The following SOS2 variants were observed in gnomAD, a reference collection of about 807,000 sequenced individuals.
SOS2 encodes son of sevenless homolog 2.
SOS2 carries 65 observed loss-of-function variants against 148.2 expected under a neutral mutation model. The ratio of observed to expected loss-of-function variants is 0.44; its 90% CI spans 0.36 to 0.54. The LOEUF is 0.54. SOS2 is among the 20% of genes least tolerant of loss of function. The pLI is 0.00. For missense variants in SOS2, 1,341 were observed against 1,590.2 expected, an observed-to-expected ratio of 0.84 and a Z score of 2.67; for synonymous variants, 539 against 537.1, an observed-to-expected ratio of 1.00 and a Z score of -0.05.
rs201505897 is a variant in SOS2 at position 50,158,695 on chromosome 14, T to C, written c.1853-49A>G. On this transcript the variant is annotated intron_variant, in intron 10 of 22. Transcript: ENST00000216373. ...GGTTTCATGTTTAATGTATTCAGTTTAATTAACTCAAAGTACCATATTTGG... is the reference window on the plus strand; with the variant it reads ...GGTTTCATGTTTAATGTATTCAGTTCAATTAACTCAAAGTACCATATTTGG... The C allele has an allele frequency of 6.7e-4, 811 of 1,202,010 alleles. 6 individuals carry two copies. In the African/African-American group the frequency reaches 0.011, roughly 16 times the overall value. The allele number at this position is 1,202,010 out of a possible 1,614,324, so 74.5% of individuals were successfully genotyped here. A position where few individuals can be genotyped will look rare whatever the true frequency, so the allele number is the denominator to read the frequency against.
At chr14:50,176,170 C>T (rs1275199878) in intron 7 of SOS2, among the ~76,000 whole-genome samples, 3 of 152,184 alleles carry the variant, frequency 2.0e-5, no homozygotes, top group African/African-American at 7.2e-5. Flanking sequence ...GAGGACACAA[C>T]AAGAAAGCAC....
intron 8 of SOS2, among the ~76,000 whole-genome samples, chr14:50,172,317 CTTG>C (rs1347113292): frequency 6.7e-6 from 1 of 149,812 alleles, no homozygotes; most frequent in Non-Finnish European, 1.5e-5. Flanking sequence ...TCTATTTGTT[CTTG>C]TTGTTGCTGT....
At chr14:50,159,032 A>C (rs1884910771) in intron 10 of SOS2, among the ~76,000 whole-genome samples, 1 of 150,590 alleles carries the variant, frequency 6.6e-6, no homozygotes, top group Non-Finnish European at 1.5e-5. Context: ...AAAATAAAGA[A>C]AAAAAAAATT....
At chr14:50,149,637 G>GCTGT (rs1884599961) in intron 14 of SOS2, among the ~76,000 whole-genome samples, 1 of 152,148 alleles carries the variant, frequency 6.6e-6, no homozygotes, top group African/African-American at 2.4e-5. Flanking sequence ...CTGTAAATGA[G>GCTGT]AAAAGAAAAC....
At chr14:50,203,717 T>A (rs1373758115) in intron 2 of SOS2, among the ~76,000 whole-genome samples, 1 of 152,072 alleles carries the variant, frequency 6.6e-6, no homozygotes, top group Non-Finnish European at 1.5e-5. Flanking sequence ...ACACAGATCT[T>A]AAAATGTACA....
At chr14:50,210,132 A>G (rs987731495) in intron 1 of SOS2, among the ~76,000 whole-genome samples, 2 of 152,220 alleles carry the variant, frequency 1.3e-5, no homozygotes, top group South Asian at 2.1e-4. Context: ...ATTTGCTCCA[A>G]TGGTTGTCAG....
chr14:50,169,842 CT>C (rs1220471564), intron 8 of SOS2, among the ~76,000 whole-genome samples: 2 of 151,622 alleles, frequency 1.3e-5, no homozygotes, highest in African/African-American at 4.9e-5. Context: ...ATAGATAATA[CT>C]TTTTTGTTCT....
At chr14:50,198,588 A>G (rs1389534506) in intron 4 of SOS2, among the ~76,000 whole-genome samples, 2 of 152,168 alleles carry the variant, frequency 1.3e-5, no homozygotes, top group South Asian at 2.1e-4. Context: ...AGCATTCTTT[A>G]AAAAGCTTTC....
chr14:50,201,710 T>A (rs960221552), intron 2 of SOS2, among the ~76,000 whole-genome samples: 4 of 152,028 alleles, frequency 2.6e-5, no homozygotes, highest in African/African-American at 9.7e-5. Context: ...CATGAAATAG[T>A]GTATTAGTGA....
chr14:50,224,897 A>AAAAAAAAGAG, intron 1 of SOS2, among the ~76,000 whole-genome samples: 1 of 150,888 alleles, frequency 6.6e-6, no homozygotes, highest in South Asian at 2.1e-4. Context: ...AAAAAAAAAA[A>AAAAAAAAGAG]AGAGAGAGAG....
rs551750135 is a variant in SOS2 at position 50,213,817 on chromosome 14, G to A, written c.88-9408C>T. On this transcript the variant is annotated intron_variant, in intron 1 of 22. Transcript: ENST00000216373. ...TGTGTGTGGTTGGAGGGGAATGTATGTGCATATTAAAGAATATTAAATCCT... is the reference window on the plus strand; with the variant it reads ...TGTGTGTGGTTGGAGGGGAATGTATATGCATATTAAAGAATATTAAATCCT... 4.6e-5 allele frequency among the ~76,000 whole-genome samples: 7 copies of A among 151,548 alleles called. No homozygotes were observed. The East Asian group carries it at 1.4e-3, about 29-fold the overall frequency.
chr14:50,139,377 G>A (rs773642113), intron 17 of SOS2, among the ~76,000 whole-genome samples: 7 of 152,142 alleles, frequency 4.6e-5, no homozygotes, highest in Non-Finnish European at 8.8e-5. Flanking sequence ...GGGATATTTA[G>A]GAATGTCTAG....
chr14:50,175,558 A>T (rs1464502258), intron 7 of SOS2, among the ~76,000 whole-genome samples: 1 of 151,974 alleles, frequency 6.6e-6, no homozygotes, highest in Non-Finnish European at 1.5e-5. Flanking sequence ...AATGCAAAAA[A>T]CATAAACAAG....
At chr14:50,131,638 G>A (rs1454532759) in intron 19 of SOS2, among the ~76,000 whole-genome samples, 4 of 152,076 alleles carry the variant, frequency 2.6e-5, no homozygotes, top group Non-Finnish European at 5.9e-5. Flanking sequence ...CCCTATCAGA[G>A]GAACACGAAT....
intron 1 of SOS2, among the ~76,000 whole-genome samples, chr14:50,207,695 C>T (rs1293381258): frequency 6.6e-6 from 1 of 151,600 alleles, no homozygotes; most frequent in Non-Finnish European, 1.5e-5. Flanking sequence ...CATCTGAGGT[C>T]GGGAGTTCGA....
chr14:50,153,107 C>T lies in SOS2; in HGVS notation c.2124G>A (p.Leu708=). Residue 708 remains leucine (L), a synonymous_variant, in exon 13 of 23, where the codon TTG becomes TTA. Transcript: ENST00000216373. ...AAATGAAGGATTCTAGTCTTTCAAG[C>T]AATTCCAAGTCTCTTTCAAAGTCAT... ...HFYDFERDLE[L]LERLESFISS... is the part of the protein sequence containing the mutation. The T allele has an allele frequency of 1.2e-6, 2 of 1,600,230 alleles. No homozygotes were observed. The highest frequency in any genetic ancestry group is 2.2e-5 in the South Asian group (2 of 90,346).
upstream of SOS2, among the ~76,000 whole-genome samples, chr14:50,231,837 C>T (rs1034120798): frequency 6.6e-6 from 1 of 152,214 alleles, no homozygotes; most frequent in African/African-American, 2.4e-5. Context: ...CTATGGCGCG[C>T]ACAGCGCTGG....
chr14:50,133,374 AT>A (rs1163482622), intron 19 of SOS2, among the ~76,000 whole-genome samples: 1 of 143,396 alleles, frequency 7.0e-6, no homozygotes, highest in Non-Finnish European at 1.5e-5. Flanking sequence ...ATTTTTTTGT[AT>A]TTTTGGTAGA....
intron 1 of SOS2, among the ~76,000 whole-genome samples, chr14:50,227,369 G>A (rs982140976): frequency 3.4e-5 from 5 of 147,310 alleles, no homozygotes; most frequent in Non-Finnish European, 5.9e-5. Flanking sequence ...TCAGCCTCCC[G>A]AGTAGCTGGG....
Sources: allele counts gnomAD v4.1 joint callset (sites outside exome capture counted in the v4.1 genomes callset), GRCh38; gene constraint gnomAD v4.1.1; transcripts MANE v1.5; gene names NCBI Gene and HGNC (gene_info 2026-07-23, HGNC 2026-07-21).